HIVEP3: variants seen among roughly 807,000 people sequenced by gnomAD.
HIVEP3 encodes the protein transcription factor HIVEP3.
In HIVEP3, 49 loss-of-function variants were observed where a neutral mutation model predicts 152.8. The observed-to-expected ratio is 0.32, with a 90% confidence interval of 0.26 to 0.41. The LOEUF (loss-of-function observed/expected upper bound fraction) is 0.41. HIVEP3 is among the 10% of genes least tolerant of loss of function. The pLI, the probability that HIVEP3 is intolerant of heterozygous loss-of-function variation, is 1.00. For synonymous variants in HIVEP3, 1,269 were observed against 1,289.0 expected (o/e 0.98, Z 0.33); for missense variants, 2,790 against 3,103.3 (o/e 0.90, Z 2.40).
At chr1:41,638,428 G>GAAGA (rs143431733) in intron 2 of HIVEP3, among the ~76,000 whole-genome samples, 2 of 151,822 alleles carry the variant, frequency 1.3e-5, no homozygotes, top group African/African-American at 2.4e-5. Context: ...GGAAGAAAAG[G>GAAGA]AAGAAAGAAA....
chr1:42,014,512 T>C (rs1645510912), intron 1 of HIVEP3, among the ~76,000 whole-genome samples: 1 of 152,100 alleles, frequency 6.6e-6, no homozygotes, highest in Non-Finnish European at 1.5e-5. Context: ...CAAATAAAGC[T>C]GCGCCAACAA....
In HIVEP3 at chr1:41,738,191, C is replaced by T. The variant is rs114398629; in HGVS notation, c.-800-37196G>A. Among the ~76,000 whole-genome samples the T allele has an allele frequency of 5.0e-3, 754 of 152,302 alleles. 4 individuals carry two copies. The highest frequency in any genetic ancestry group is 0.017 in the African/African-American group (712 of 41,572). On this transcript the variant is annotated intron_variant, in intron 1 of 8. Transcript: ENST00000372583. The stretch of plus-strand genomic sequence containing the variant: ...CCCAGGCCTTGGCCTCTAGGAAGGA[C>T]GAGCGGGAAGCAGCGTCCCCAGAGA...
intron 1 of HIVEP3, among the ~76,000 whole-genome samples, chr1:41,946,535 C>CTT (rs1255466326): frequency 5.9e-5 from 9 of 152,214 alleles, no homozygotes; most frequent in Non-Finnish European, 1.3e-4. Context: ...GAACTTTACT[C>CTT]TTTTCACATG....
At chr1:41,685,861 C>A (rs565006135) in intron 2 of HIVEP3, among the ~76,000 whole-genome samples, 139 of 152,206 alleles carry the variant, frequency 9.1e-4, no homozygotes, top group African/African-American at 3.2e-3. Flanking sequence ...CTCTCCAACC[C>A]GCCTCTCTGT....
intron 2 of HIVEP3, among the ~76,000 whole-genome samples, chr1:41,681,021 A>T (rs1443769400): frequency 2.0e-5 from 3 of 152,178 alleles, no homozygotes; most frequent in African/African-American, 7.2e-5. Flanking sequence ...CAATTTGCAG[A>T]TGAGAAAACT....
chr1:41,853,809 A>T, intron 1 of HIVEP3, among the ~76,000 whole-genome samples: 1 of 152,134 alleles, frequency 6.6e-6, no homozygotes, highest in Non-Finnish European at 1.5e-5. Context: ...GAACTCACCA[A>T]GGCGAACCTG....
At chr1:41,891,444 C>T (rs746810419) in intron 1 of HIVEP3, among the ~76,000 whole-genome samples, 7 of 152,162 alleles carry the variant, frequency 4.6e-5, no homozygotes, top group Admixed American at 3.9e-4. Flanking sequence ...GGTGGTGTCA[C>T]GGGGCAGAAG....
At chr1:41,791,673 G>A (rs1358645930) in intron 1 of HIVEP3, among the ~76,000 whole-genome samples, 1 of 152,140 alleles carries the variant, frequency 6.6e-6, no homozygotes, top group Non-Finnish European at 1.5e-5. Context: ...GTTCTTTTAT[G>A]AGAGAGGAAG....
chr1:41,981,122 G>T (rs751929495), intron 1 of HIVEP3, among the ~76,000 whole-genome samples: 1 of 152,174 alleles, frequency 6.6e-6, no homozygotes. Flanking sequence ...GGGCCCAGAG[G>T]CAAGGAGAGA....
chr1:41,821,253 C>T (rs144352993), intron 1 of HIVEP3, among the ~76,000 whole-genome samples: 11 of 152,308 alleles, frequency 7.2e-5, no homozygotes, highest in Non-Finnish European at 1.6e-4. Context: ...CACCGGTCCT[C>T]ACTCCGTCTT....
At chr1:41,970,654 A>G (rs1376584176) in intron 1 of HIVEP3, among the ~76,000 whole-genome samples, 1 of 152,218 alleles carries the variant, frequency 6.6e-6, no homozygotes, top group African/African-American at 2.4e-5. Context: ...TTACCTATGT[A>G]ACAAACCTGC....
At chr1:41,877,681 G>A (rs1263910759) in intron 1 of HIVEP3, among the ~76,000 whole-genome samples, 3 of 7,778 alleles carry the variant, frequency 3.9e-4, no homozygotes, top group Non-Finnish European at 1.4e-3. Context: ...GGTTTCATAG[G>A]TCAATGGTTC....
chr1:41,789,720 C>G (rs1226647998), intron 1 of HIVEP3, among the ~76,000 whole-genome samples: 1 of 152,176 alleles, frequency 6.6e-6, no homozygotes, highest in Non-Finnish European at 1.5e-5. Flanking sequence ...TTGATCTAGT[C>G]TGAGCCCTCT....
At position 41,888,299 on chromosome 1, in the gene HIVEP3, A is replaced by G. The variant is rs368356650; in HGVS notation, c.-801+30114T>C. Among the ~76,000 whole-genome samples the G allele has an allele frequency of 7.8e-3, 1,077 of 138,358 alleles. 10 individuals are homozygous for G. Among genetic ancestry groups the G allele is most frequent in the African/African-American group, 0.028 (1,022 of 36,372 alleles). The allele number at this position is 138,358 out of a possible 152,430, so 90.8% of individuals were successfully genotyped here. A position where few individuals can be genotyped will look rare whatever the true frequency, so the allele number is the denominator to read the frequency against. ...AATCTCCTGACTTCGTAATCTGCCC[A>G]CCTTGGCCTCCCAAAGTGCTCGGAT... On this transcript the variant is annotated intron_variant, in intron 1 of 8. Coordinates refer to ENST00000372583, the MANE Select transcript of HIVEP3 (RefSeq NM_024503.5).
intron 1 of HIVEP3, among the ~76,000 whole-genome samples, chr1:42,000,822 C>T (rs1570882275): frequency 6.6e-6 from 1 of 152,218 alleles, no homozygotes; most frequent in East Asian, 1.9e-4. Flanking sequence ...CGCTCCCCAG[C>T]TCCTCCCCTA....
chr1:41,761,615 G>GT (rs1297865306), intron 1 of HIVEP3, among the ~76,000 whole-genome samples: 1 of 152,222 alleles, frequency 6.6e-6, no homozygotes, highest in Non-Finnish European at 1.5e-5. Flanking sequence ...TTATGCTTAT[G>GT]TAAGTGCATG....
chr1:41,745,178 A>G (rs1453776506), intron 1 of HIVEP3, among the ~76,000 whole-genome samples: 2 of 152,130 alleles, frequency 1.3e-5, no homozygotes, highest in African/African-American at 4.8e-5. Flanking sequence ...CATACTCAAG[A>G]CATTTCCCCT....
At chr1:41,784,113 G>A (rs540384896) in intron 1 of HIVEP3, among the ~76,000 whole-genome samples, 1 of 152,332 alleles carries the variant, frequency 6.6e-6, no homozygotes, top group African/African-American at 2.4e-5. Flanking sequence ...AGGCAGCTGT[G>A]CTTCCAGGGA....
chr1:41,596,463 G>A (rs1644667676), intron 3 of HIVEP3, among the ~76,000 whole-genome samples: 1 of 152,196 alleles, frequency 6.6e-6, no homozygotes, highest in Non-Finnish European at 1.5e-5. Context: ...AGCCTGGGAT[G>A]TCTGCCTTGA....
Sources: gnomAD v4.1 joint callset for allele counts (sites outside exome capture counted in the v4.1 genomes callset) on GRCh38, gnomAD v4.1.1 for gene constraint, MANE v1.5 for transcripts, NCBI Gene and HGNC (gene_info 2026-07-23, HGNC 2026-07-21) for gene names.